ADRM1: variants seen among roughly 807,000 people sequenced by gnomAD.
ADRM1 encodes ADRM1 26S proteasome ubiquitin receptor.
ADRM1 carries 2 observed loss-of-function variants against 40.1 expected under a neutral mutation model. That is an observed-to-expected ratio of 0.05 (90% CI 0.02 to 0.16). The LOEUF (loss-of-function observed/expected upper bound fraction) is 0.16. Ranked by LOEUF, ADRM1 falls within the 10% of genes least tolerant of loss-of-function variation. The probability of loss-of-function intolerance (pLI) is 1.00; values close to 1 mark genes in which losing one functional copy is unlikely to be tolerated. For synonymous variants in ADRM1, 287 were observed against 240.4 expected, an observed-to-expected ratio of 1.19 and a Z score of -1.79; for missense variants, 467 against 552.5, an observed-to-expected ratio of 0.85 and a Z score of 1.55.
intron 2 of ADRM1, 104 bp from the exon 3 acceptor site, chr20:62,304,357 T>A: frequency 2.1e-6 from 2 of 947,038 alleles, no homozygotes; most frequent in Non-Finnish European, 3.3e-6. Flanking sequence ...TAGCTGCCCC[T>A]TGCGCACCCC....
Position 62,308,737 on chromosome 20 carries a change from A to T in ADRM1, c.1200A>T (p.Glu400Asp), listed in dbSNP as rs1985585891. ...KEGDTKDKKD[E>D]EEDMSLD Reference sequence around the variant, plus strand: ...GCGACACGAAGGACAAGAAGGACGAAGAGGAGGACATGAGCCTGGACTGAG... The same window carrying T: ...GCGACACGAAGGACAAGAAGGACGATGAGGAGGACATGAGCCTGGACTGAG... Residue 400 changes from glutamate (E) to aspartate (D), a missense_variant, in exon 10 of 10, where the codon GAA becomes GAT. By Grantham distance (45) the Glu-to-Asp change is conservative. This residue lies in a region of ADRM1 where 418 missense variants were observed against 474.6 expected (regional missense o/e 0.88). Coordinates refer to ENST00000253003, the MANE Select transcript of ADRM1 (RefSeq NM_007002.4). 1.9e-6 allele frequency: 3 copies of T among 1,603,130 alleles called. No individual in the cohort carries two copies. The East Asian group carries it at 6.7e-5, about 36-fold the overall frequency.
chr20:62,307,325 G>T (rs1291637016), intron 5 of ADRM1, 46 bp from the exon 6 acceptor site: 2 of 1,553,142 alleles, frequency 1.3e-6, no homozygotes, highest in African/African-American at 1.4e-5. Flanking sequence ...GCTCTTTCTG[G>T]TGGGCTAGAG....
chr20:62,308,637 G>GTCTT lies in ADRM1; in HGVS notation c.1118-16_1118-13dup, dbSNP rs771466598. 2.2e-5 allele frequency: 35 copies of GTCTT among 1,612,660 alleles called. No individual in the cohort carries two copies. Among genetic ancestry groups the GTCTT allele is most frequent in the Non-Finnish European group, 2.5e-5 (29 of 1,179,780 alleles). The stretch of plus-strand genomic sequence containing the variant: ...GGGCAAGGGTTAGACACCACCTTGT[G>GTCTT]TCTTTAACGTGTTCTAGATGTGGAA... On this transcript the variant is annotated splice_polypyrimidine_tract_variant and intron_variant, in intron 9 of 9. Transcript: ENST00000253003.
At chr20:62,306,898 T>G (rs550357143) in intron 5 of ADRM1, among the ~76,000 whole-genome samples, 164 bp downstream of exon 5, 217 of 152,330 alleles carry the variant, frequency 1.4e-3, no homozygotes, top group Non-Finnish European at 1.2e-3. Flanking sequence ...TGCCTGTGGC[T>G]AGAGCTGGGT....
intron 2 of ADRM1, chr20:62,304,203 T>G: frequency 3.8e-6 from 2 of 526,066 alleles, no homozygotes; most frequent in Non-Finnish European, 6.9e-6. Flanking sequence ...CTGGGAATGT[T>G]GTTTCCAGCA....
intron 5 of ADRM1, 60 bp downstream of exon 5, chr20:62,306,794 C>G: frequency 2.8e-6 from 4 of 1,436,750 alleles, no homozygotes; most frequent in Non-Finnish European, 3.8e-6. Flanking sequence ...GAGGCCCGGT[C>G]TCTGTTTCCT....
chr20:62,308,207 C>G (rs745808773), intron 8 of ADRM1, 29 bp downstream of exon 8: 1 of 1,586,316 alleles, frequency 6.3e-7, no homozygotes, highest in Non-Finnish European at 8.6e-7. Context: ...GTGTCCTCCA[C>G]TGTGTGCTCA....
rs758445972 is a variant in ADRM1, at chr20:62,303,757, C to T, written c.189C>T (p.Asp63=). The T allele has an allele frequency of 3.7e-6, 6 of 1,611,662 alleles. No individual in the cohort carries two copies. The highest frequency in any genetic ancestry group is 1.7e-4 in the Middle Eastern group (1 of 6,058). The change falls in exon 2 of 10, where the codon GAC becomes GAT. Residue 63 remains aspartate, a synonymous_variant. Transcript: ENST00000253003. ...DDSLIHFCWK[D]RTSGNVEDDL... is the part of the protein sequence containing the mutation. ...CGCTTATTCACTTCTGCTGGAAGGACAGGACGTCCGGGAACGTGGAAGACG... is the reference window on the plus strand; with the variant it reads ...CGCTTATTCACTTCTGCTGGAAGGATAGGACGTCCGGGAACGTGGAAGACG...
intron 3 of ADRM1, chr20:62,305,848 G>A (rs1984855696): frequency 7.4e-6 from 2 of 271,842 alleles, no homozygotes; most frequent in Non-Finnish European, 1.5e-5. Flanking sequence ...AAGGAGACGG[G>A]TGTGTAAAGA....
intron 2 of ADRM1, chr20:62,304,022 C>T: frequency 1.8e-6 from 1 of 561,414 alleles, no homozygotes. Context: ...GAGCCCGGAG[C>T]TCTGTGCCTG....
chr20:62,304,009 G>A (rs1215573022), intron 2 of ADRM1: 1 of 568,792 alleles, frequency 1.8e-6, no homozygotes, highest in East Asian at 3.0e-5. Context: ...GTGTGGCCCT[G>A]GAGAGCCCGG....
intron 4 of ADRM1, 162 bp from the exon 5 acceptor site, chr20:62,306,486 G>A: frequency 7.7e-7 from 1 of 1,306,366 alleles, no homozygotes; most frequent in Non-Finnish European, 1.1e-6. Context: ...CACCTTCACG[G>A]GGTAGGACGG....
At position 62,304,518 on chromosome 20, in the gene ADRM1, G is replaced by A; in HGVS notation, c.271G>A (p.Gly91Arg). ...EFKRVPQCPS[G>R]RVYVLKFKAG... ...CAAGCGGGTGCCGCAGTGCCCCAGC[G>A]GGAGGGTCTACGTGCTGAAGTTCAA... Residue 91 changes from glycine to arginine, a missense_variant, in exon 3 of 10, where the codon GGG becomes AGG. Coordinates refer to ENST00000253003, the MANE Select transcript of ADRM1 (RefSeq NM_007002.4). 1 of 1,613,988 alleles carries A rather than the reference G, an allele frequency of 6.2e-7. No homozygotes were observed. The highest frequency in any genetic ancestry group is 8.5e-7 in the Non-Finnish European group (1 of 1,179,988).
chr20:62,304,171 C>CGGCTCTTTGTT, intron 2 of ADRM1: 1 of 498,612 alleles, frequency 2.0e-6, no homozygotes, highest in South Asian at 2.2e-5. Context: ...GAGAGCAGTT[C>CGGCTCTTTGTT]AGCGTTGACT....
At chr20:62,303,394 C>A in intron 1 of ADRM1, 174 bp from the exon 2 acceptor site, 1 of 616,338 alleles carries the variant, frequency 1.6e-6, no homozygotes, top group Non-Finnish European at 2.7e-6. Flanking sequence ...CGAGTGCGGG[C>A]GGTGCGATCG....
chr20:62,307,806 C>T lies in ADRM1; in HGVS notation c.834C>T (p.Ala278=), dbSNP rs752117898. ...TCCTGGCCACGATGAACGTACCAGCCGGGCCAGCAGGCGGCCAGCAAGGTA... is the reference window on the plus strand; with the variant it reads ...TCCTGGCCACGATGAACGTACCAGCTGGGCCAGCAGGCGGCCAGCAAGGTA... ...QSILATMNVP[A]GPAGGQQVDL... The change falls in exon 7 of 10, where the codon GCC becomes GCT. Residue 278 remains alanine, a synonymous_variant. Transcript: ENST00000253003. The T allele has an allele frequency of 2.3e-5, 37 of 1,609,180 alleles. No homozygotes were observed. Among genetic ancestry groups the T allele is most frequent in the Admixed American group, 3.4e-5 (2 of 59,622 alleles).
At chr20:62,307,474 A>G (rs1353710341) in intron 6 of ADRM1, 22 bp downstream of exon 6, 1 of 1,606,332 alleles carries the variant, frequency 6.2e-7, no homozygotes, top group Admixed American at 1.7e-5. Flanking sequence ...CGCTCCTGCC[A>G]CGCAGGTGCC....
chr20:62,305,831 T>G, intron 3 of ADRM1: 1 of 243,118 alleles, frequency 4.1e-6, no homozygotes. Flanking sequence ...CTTCCACTGG[T>G]TGAAGGAAGG....
intron 5 of ADRM1, 103 bp downstream of exon 5, chr20:62,306,837 C>T (rs1185166801): frequency 2.2e-5 from 25 of 1,154,904 alleles, no homozygotes; most frequent in South Asian, 7.7e-5. Flanking sequence ...TGCGTAGTGT[C>T]GGGGAGCCTG....
Sources: gnomAD v4.1 joint callset for allele counts (sites outside exome capture counted in the v4.1 genomes callset) on GRCh38, gnomAD v4.1.1 for gene constraint, gnomAD v4.1.1 regional missense constraint, MANE v1.5 for transcripts, NCBI Gene and HGNC (gene_info 2026-07-23, HGNC 2026-07-21) for gene names.